INPP5A: variants seen among roughly 807,000 people sequenced by gnomAD.
INPP5A encodes the protein inositol polyphosphate-5-phosphatase A, also known as 43 kDa inositol polyphosphate 5-phophatase.
In INPP5A, 14 loss-of-function variants were observed where a neutral mutation model predicts 65.2. The observed-to-expected ratio is 0.21, with a 90% confidence interval of 0.14 to 0.34. INPP5A has a LOEUF of 0.34. INPP5A is among the 10% of genes least tolerant of loss of function. INPP5A has a pLI of 1.00. For missense variants in INPP5A, 431 were observed against 545.6 expected (o/e 0.79, Z 2.09); for synonymous variants, 207 against 208.3 (o/e 0.99, Z 0.05).
intron 2 of INPP5A, among the ~76,000 whole-genome samples, chr10:132,624,277 G>T (rs113004724): frequency 1.6e-4 from 25 of 152,342 alleles, no homozygotes; most frequent in African/African-American, 5.3e-4. Flanking sequence ...ACATGGAAGC[G>T]GGGGAGCTGT....
intron 8 of INPP5A, among the ~76,000 whole-genome samples, chr10:132,716,583 A>T (rs1845743760): frequency 6.6e-6 from 1 of 152,118 alleles, no homozygotes; most frequent in East Asian, 1.9e-4. Flanking sequence ...GTGCTGGGCC[A>T]TGGGGGCCGT....
intron 1 of INPP5A, among the ~76,000 whole-genome samples, chr10:132,607,005 T>C (rs747298474): frequency 2.0e-5 from 3 of 151,544 alleles, no homozygotes; most frequent in Non-Finnish European, 2.9e-5. Context: ...CGGTGGGCGA[T>C]GTTGGAGCTG....
chr10:132,650,621 C>T lies in INPP5A; in HGVS notation c.306+116C>T. On this transcript the variant is annotated intron_variant, in intron 4 of 15. Transcript: ENST00000368594. The surrounding 1 kb of genome is among the most constrained non-coding windows in gnomAD (Gnocchi z 5.5). ...GGTGCTCCCTGCCTGAAGCCTCACT[C>T]ACGCTGCCCTGCCTGGCACTCCCGC... is the stretch of plus-strand genomic sequence containing the variant. 2 of 736,436 alleles carry T rather than the reference C, an allele frequency of 2.7e-6. No individual in the cohort carries two copies. Among genetic ancestry groups the T allele is most frequent in the Non-Finnish European group, 2.4e-6 (1 of 420,970 alleles). The allele number at this position is 736,436 out of a possible 1,614,324, so 45.6% of individuals were successfully genotyped here. A position where few individuals can be genotyped will look rare whatever the true frequency, so the allele number is the denominator to read the frequency against.
chr10:132,586,876 G>A (rs779497489), intron 1 of INPP5A, among the ~76,000 whole-genome samples: 12 of 152,206 alleles, frequency 7.9e-5, no homozygotes, highest in Non-Finnish European at 1.3e-4. Context: ...AGAAGGCGGC[G>A]CAGCGCGGCG....
chr10:132,723,543 T>C (rs1268037020), intron 8 of INPP5A, among the ~76,000 whole-genome samples: 1 of 144,382 alleles, frequency 6.9e-6, no homozygotes, highest in Non-Finnish European at 1.5e-5. Flanking sequence ...GGATTGGCCG[T>C]GTGGGGATTG....
intron 4 of INPP5A, among the ~76,000 whole-genome samples, chr10:132,681,583 G>A (rs975320437): frequency 3.2e-4 from 49 of 152,238 alleles, no homozygotes; most frequent in African/African-American, 1.1e-3. Context: ...CACCAATTCC[G>A]GACACAATAG....
chr10:132,724,776 A>G (rs1043497895), intron 8 of INPP5A, among the ~76,000 whole-genome samples: 2 of 147,786 alleles, frequency 1.4e-5, no homozygotes, highest in African/African-American at 2.5e-5. Context: ...TATTCACCAC[A>G]GACGGGGGTC....
At chr10:132,701,959 G>A (rs1229733166) in intron 6 of INPP5A, among the ~76,000 whole-genome samples, 1 of 152,268 alleles carries the variant, frequency 6.6e-6, no homozygotes, top group Non-Finnish European at 1.5e-5. Flanking sequence ...GGCCACCGAA[G>A]GGTGCATGGG....
intron 1 of INPP5A, among the ~76,000 whole-genome samples, chr10:132,548,965 CA>C (rs1030320407): frequency 5.9e-5 from 9 of 152,056 alleles, no homozygotes; most frequent in African/African-American, 2.2e-4. Flanking sequence ...CAGGCTTTTA[CA>C]ATTTTTTGTA....
At chr10:132,594,666 A>T (rs1026210502) in intron 1 of INPP5A, among the ~76,000 whole-genome samples, 1 of 151,602 alleles carries the variant, frequency 6.6e-6, no homozygotes, top group African/African-American at 2.4e-5. Context: ...TGGGGTGCAT[A>T]TGTGTGGCGT....
At chr10:132,586,307 C>T (rs2071544030) in intron 1 of INPP5A, among the ~76,000 whole-genome samples, 1 of 152,206 alleles carries the variant, frequency 6.6e-6, no homozygotes. Context: ...AGCCAGCACC[C>T]TCCAGGACGG....
Position 132,708,257 on chromosome 10 carries a change from C to T in INPP5A, c.475-56C>T, listed in dbSNP as rs575655431. 1,153 of 1,507,346 alleles carry T rather than the reference C, an allele frequency of 7.6e-4. 5 individuals carry two copies. The highest frequency in any genetic ancestry group is 5.1e-4 in the Middle Eastern group (3 of 5,880). The allele number at this position is 1,507,346 out of a possible 1,614,324, so 93.4% of individuals were successfully genotyped here. A position where few individuals can be genotyped will look rare whatever the true frequency, so the allele number is the denominator to read the frequency against. ...GTGTCCTTTAGGTGTGTGGGACCCA[C>T]GTGTTGCTCTTGCTCACTTACTCTG... On this transcript the variant is annotated intron_variant, in intron 6 of 15. Coordinates refer to ENST00000368594, the MANE Select transcript of INPP5A (RefSeq NM_005539.5).
At position 132,663,957 on chromosome 10, in the gene INPP5A, C is replaced by G. The variant is rs949539230; in HGVS notation, c.306+13452C>G. ...GCGGCCGACAGGCGTGATCGAGTGC[C>G]GTGTCACACGCAGCCCAGGAAACAA... On this transcript the variant is annotated intron_variant, in intron 4 of 15. Coordinates refer to ENST00000368594, the MANE Select transcript of INPP5A (RefSeq NM_005539.5). The surrounding 1 kb of genome is among the most constrained non-coding windows in gnomAD (Gnocchi z 4.5). Among the ~76,000 whole-genome samples, 12 of 152,336 alleles carry G rather than the reference C, an allele frequency of 7.9e-5. No homozygotes were observed. The highest frequency in any genetic ancestry group is 2.9e-4 in the African/African-American group (12 of 41,578).
intron 8 of INPP5A, among the ~76,000 whole-genome samples, chr10:132,723,837 A>G (rs1845937932): frequency 6.6e-6 from 1 of 151,328 alleles, no homozygotes; most frequent in South Asian, 2.1e-4. Flanking sequence ...CTCGGAGCAC[A>G]GGGCCCTCTG....
rs370618456 is a variant in INPP5A, at chr10:132,728,585, G to C, written c.732+1680G>C. On this transcript the variant is annotated intron_variant, in intron 9 of 15. Coordinates refer to ENST00000368594, the MANE Select transcript of INPP5A (RefSeq NM_005539.5). ...TGAGCTCATTTCTAACCTGTTACTCGAGAGCCAGTGAGTCCACAGTGCACA... is the reference window on the plus strand; with the variant it reads ...TGAGCTCATTTCTAACCTGTTACTCCAGAGCCAGTGAGTCCACAGTGCACA... Among the ~76,000 whole-genome samples the C allele has an allele frequency of 3.4e-4, 52 of 152,352 alleles. No individual in the cohort carries two copies. The South Asian group carries it at 0.01, about 30-fold the overall frequency.
At chr10:132,708,232 G>C in intron 6 of INPP5A, 81 bp from the exon 7 acceptor site, 2 of 1,250,442 alleles carry the variant, frequency 1.6e-6, no homozygotes, top group Middle Eastern at 1.9e-4. Context: ...AGCATCTCCT[G>C]TGTCCTTTAG....
At chr10:132,624,395 GCTTCACA>G (rs1422682189) in intron 2 of INPP5A, among the ~76,000 whole-genome samples, 1 of 152,188 alleles carries the variant, frequency 6.6e-6, no homozygotes, top group Non-Finnish European at 1.5e-5. Context: ...GCATGCCCGT[GCTTCACA>G]CCGGCGCGCC....
At chr10:132,686,192 C>G (rs1391959331) in intron 4 of INPP5A, among the ~76,000 whole-genome samples, 1 of 152,190 alleles carries the variant, frequency 6.6e-6, no homozygotes, top group Non-Finnish European at 1.5e-5. Context: ...CTTTTCGGTG[C>G]CCCAGGGGCT....
At chr10:132,582,580 G>A (rs2071498304) in intron 1 of INPP5A, among the ~76,000 whole-genome samples, 1 of 152,048 alleles carries the variant, frequency 6.6e-6, no homozygotes, top group African/African-American at 2.4e-5. Context: ...ACCATGCCCA[G>A]CTACTTTTAA....
Sources: gnomAD v4.1 joint callset for allele counts (sites outside exome capture counted in the v4.1 genomes callset) on GRCh38, gnomAD v4.1.1 for gene constraint, Gnocchi (gnomAD v3.1) non-coding constraint, MANE v1.5 for transcripts, NCBI Gene and HGNC (gene_info 2026-07-23, HGNC 2026-07-21) for gene names.